The following INO80D variants were observed in gnomAD, a reference collection of about 807,000 sequenced individuals.
The protein encoded by INO80D is INO80 complex subunit D.
Under a neutral mutation model 87.6 loss-of-function variants are expected in INO80D, and 21 were observed. The ratio of observed to expected loss-of-function variants is 0.24; its 90% CI spans 0.17 to 0.35. INO80D has a LOEUF of 0.35. Ranked by LOEUF, INO80D falls within the 10% of genes least tolerant of loss-of-function variation. The pLI, the probability that INO80D is intolerant of heterozygous loss-of-function variation, is 1.00. For missense variants in INO80D, 982 were observed against 1,280.7 expected (o/e 0.77, Z 3.56); for synonymous variants, 440 against 491.0 (o/e 0.90, Z 1.37).
chr2:206,026,821 T>C (rs1688626939), intron 6 of INO80D, among the ~76,000 whole-genome samples: 2 of 151,924 alleles, frequency 1.3e-5, no homozygotes, highest in Non-Finnish European at 2.9e-5. Context: ...TTCTAAAATA[T>C]CAGATAACTC....
In INO80D at chr2:206,003,001, A is replaced by G. The variant is rs1019839160; in HGVS notation, c.*1367T>C. 9.2e-5 allele frequency: 14 copies of G among 152,176 alleles called. No homozygotes were observed. The highest frequency in any genetic ancestry group is 5.2e-4 in the Admixed American group (8 of 15,274). 9.4% of individuals were successfully genotyped at this position (152,176 alleles called of 1,614,324 possible). A position where few individuals can be genotyped will look rare whatever the true frequency, so the allele number is the denominator to read the frequency against. On this transcript the variant is annotated 3_prime_UTR_variant, in exon 11 of 11. Transcript: ENST00000403263. ...CTCACAAATTCATCTCATAGTCACA[A>G]ACTTCCTAAACTACCCCATATGATC... is the stretch of plus-strand genomic sequence containing the variant.
intron 1 of INO80D, among the ~76,000 whole-genome samples, chr2:206,078,876 G>A (rs189147506): frequency 3.9e-5 from 6 of 152,036 alleles, no homozygotes; most frequent in Non-Finnish European, 7.4e-5. Context: ...CTGGGAGGCA[G>A]AGATTGCAGT....
intron 1 of INO80D, among the ~76,000 whole-genome samples, chr2:206,082,757 T>C (rs1370541495): frequency 4.6e-5 from 7 of 152,256 alleles, no homozygotes; most frequent in Admixed American, 6.5e-5. Flanking sequence ...CAAACCTGGA[T>C]AGTGAGAGCT....
In INO80D at chr2:205,998,266, A is replaced by T. The variant is rs1356126834; in HGVS notation, c.*6102T>A. 1 of 152,130 alleles carries T rather than the reference A, an allele frequency of 6.6e-6. No homozygotes were observed. The highest frequency in any genetic ancestry group is 6.5e-5 in the Admixed American group (1 of 15,276). The allele number at this position is 152,130 out of a possible 1,614,324, so 9.4% of individuals were successfully genotyped here. ...CCATCTTAAGTGTAAACCACAGATC[A>T]TTTACTAAAGAACATGATTCTCAAC... On this transcript the variant is annotated 3_prime_UTR_variant, in exon 11 of 11. Transcript: ENST00000403263.
At chr2:206,064,770 T>C (rs1575873016) in intron 1 of INO80D, among the ~76,000 whole-genome samples, 1 of 151,900 alleles carries the variant, frequency 6.6e-6, no homozygotes, top group African/African-American at 2.4e-5. Context: ...GTAATGAAAG[T>C]AGAGAATTTG....
chr2:206,049,014 C>T (rs1027403500), intron 4 of INO80D, among the ~76,000 whole-genome samples: 6 of 152,208 alleles, frequency 3.9e-5, no homozygotes, highest in Admixed American at 3.3e-4. Flanking sequence ...ATCCATACCT[C>T]TATGAAACTT....
intron 6 of INO80D, among the ~76,000 whole-genome samples, chr2:206,022,275 G>A (rs1362558735): frequency 6.6e-6 from 1 of 151,932 alleles, no homozygotes; most frequent in Non-Finnish European, 1.5e-5. Flanking sequence ...GCTGAGGTAG[G>A]AGAATCACTT....
In INO80D at chr2:206,056,363, G is replaced by C. The variant is rs370215821; in HGVS notation, c.799C>G (p.Leu267Val). The part of the protein sequence containing the change: ...QLSHKRPLPL[L>V]PSSRAPTVDP... ...ACAGTGGGAGCCCTACTGGATGGCA[G>C]GAGGGGCAGAGGCCTCTTGTGAGAC... The change falls in exon 4 of 11, where the codon CTG becomes GTG. Residue 267 changes from leucine (L) to valine (V), a missense_variant. Physicochemically the swap from Leu to Val is conservative, Grantham distance 32. Transcript: ENST00000403263. 1.2e-6 allele frequency: 2 copies of C among 1,613,858 alleles called. No individual in the cohort carries two copies. The highest frequency in any genetic ancestry group is 2.7e-5 in the African/African-American group (2 of 74,916).
intron 8 of INO80D, among the ~76,000 whole-genome samples, chr2:206,015,653 G>A (rs1313865326): frequency 3.3e-5 from 5 of 152,214 alleles, no homozygotes; most frequent in Non-Finnish European, 7.3e-5. Context: ...GGGAGGCTGA[G>A]GCGGGCAGAT....
intron 5 of INO80D, among the ~76,000 whole-genome samples, chr2:206,035,249 T>A (rs1290982763): frequency 6.6e-6 from 1 of 151,960 alleles, no homozygotes; most frequent in African/African-American, 2.4e-5. Context: ...AATTCTAAAA[T>A]TCATAAGGAA....
At chr2:206,050,280 T>TAGG (rs1689316194) in intron 4 of INO80D, among the ~76,000 whole-genome samples, 1 of 145,966 alleles carries the variant, frequency 6.9e-6, no homozygotes, top group Non-Finnish European at 1.5e-5. Flanking sequence ...ATCACAAGAT[T>TAGG]AGGAGTTCAA....
chr2:206,022,849 G>A (rs923496203), intron 6 of INO80D, among the ~76,000 whole-genome samples: 2 of 152,128 alleles, frequency 1.3e-5, no homozygotes, highest in African/African-American at 4.8e-5. Context: ...AAGTAGCTGA[G>A]ACTACAGGCG....
chr2:206,080,730 A>AC (rs112664501), intron 1 of INO80D, among the ~76,000 whole-genome samples: 6 of 151,758 alleles, frequency 4.0e-5, no homozygotes, highest in African/African-American at 1.2e-4. Context: ...ACACGGTGAA[A>AC]CCCCGTCTCT....
Position 206,005,194 on chromosome 2 carries a change from T to C in INO80D, c.2258A>G (p.Gln753Arg). 1.2e-6 allele frequency: 2 copies of C among 1,614,004 alleles called. No individual in the cohort carries two copies. The highest frequency in any genetic ancestry group is 1.1e-5 in the South Asian group (1 of 91,088). ...NPPTPLAGQI[Q>R]GQFSAPANVG... ...GTTGGCTGGGGCAGAGAACTGCCCC[T>C]GGATCTGCCCTGCCAGGGGTGTAGG... Residue 753 changes from glutamine to arginine, a missense_variant, in exon 11 of 11, where the codon CAG becomes CGG. Transcript: ENST00000403263.
At chr2:206,082,842 C>T (rs1236720121) in intron 1 of INO80D, among the ~76,000 whole-genome samples, 1 of 152,082 alleles carries the variant, frequency 6.6e-6, no homozygotes, top group African/African-American at 2.4e-5. Flanking sequence ...ATTTTGGGTG[C>T]TCTCAGAAAT....
At chr2:206,052,383 C>T (rs1300225040) in intron 4 of INO80D, among the ~76,000 whole-genome samples, 9 of 152,024 alleles carry the variant, frequency 5.9e-5, no homozygotes, top group South Asian at 2.1e-4. Flanking sequence ...TTAGTAGAGA[C>T]GGGGTTTCAC....
At chr2:206,032,150 C>T (rs1241785112) in intron 5 of INO80D, among the ~76,000 whole-genome samples, 1 of 152,300 alleles carries the variant, frequency 6.6e-6, no homozygotes, top group East Asian at 1.9e-4. Context: ...TCCAGCTGAA[C>T]TTTGTAACAA....
At chr2:206,067,738 A>G (rs1475327108) in intron 1 of INO80D, among the ~76,000 whole-genome samples, 1 of 152,186 alleles carries the variant, frequency 6.6e-6, no homozygotes, top group Non-Finnish European at 1.5e-5. Flanking sequence ...CACAAGCCAA[A>G]CACACACGTA....
At chr2:206,063,452 G>A (rs527906679) in intron 1 of INO80D, 81 of 185,456 alleles carry the variant, frequency 4.4e-4, no homozygotes, top group African/African-American at 1.8e-3. Context: ...TGTAATCCCA[G>A]CACCTTGGAG....
Sources: gnomAD v4.1 joint callset for allele counts (sites outside exome capture counted in the v4.1 genomes callset) on GRCh38, gnomAD v4.1.1 for gene constraint, MANE v1.5 for transcripts, NCBI Gene and HGNC (gene_info 2026-07-23, HGNC 2026-07-21) for gene names.